Variants in CPVL observed in about 807,000 individuals in gnomAD.
CPVL encodes carboxypeptidase vitellogenic like, also known as probable serine carboxypeptidase CPVL.
A neutral mutation model predicts 63.7 loss-of-function variants in CPVL; 51 were observed. That is an observed-to-expected ratio of 0.80 (90% CI 0.64 to 1.01). The LOEUF (loss-of-function observed/expected upper bound fraction) is 1.01, where lower values mean the gene tolerates loss of function less well. Ranked by LOEUF, CPVL falls within the 50% of genes least tolerant of loss-of-function variation. The pLI is 0.00. For synonymous variants in CPVL, 195 were observed against 206.0 expected (o/e 0.95, Z 0.46); for missense variants, 530 against 573.1 (o/e 0.92, Z 0.77).
chr7:29,174,575 T>A (rs1381395168), intron 5 of CPVL, among the ~76,000 whole-genome samples: 1 of 152,088 alleles, frequency 6.6e-6, no homozygotes, highest in Non-Finnish European at 1.5e-5. Context: ...TAAACAATTT[T>A]GAGAGTCCAG....
At chr7:29,167,191 A>G (rs923079362) in intron 5 of CPVL, among the ~76,000 whole-genome samples, 15 of 152,164 alleles carry the variant, frequency 9.9e-5, no homozygotes, top group African/African-American at 3.6e-4. Flanking sequence ...CTAACTTTTA[A>G]TTATTTATTT....
chr7:29,114,908 A>G (rs1443894605), intron 2 of CPVL, among the ~76,000 whole-genome samples: 2 of 152,182 alleles, frequency 1.3e-5, no homozygotes, highest in Non-Finnish European at 2.9e-5. Flanking sequence ...GCTGACTAGG[A>G]ACAGGGAGCA....
At chr7:29,110,053 T>G (rs1453239447) in intron 3 of CPVL, among the ~76,000 whole-genome samples, 1 of 152,216 alleles carries the variant, frequency 6.6e-6, no homozygotes, top group Non-Finnish European at 1.5e-5. Flanking sequence ...GGTTTTTGCT[T>G]TGTTTCCATC....
At chr7:29,100,254 A>C (rs137867010) in intron 3 of CPVL, among the ~76,000 whole-genome samples, 1 of 152,320 alleles carries the variant, frequency 6.6e-6, no homozygotes, top group Non-Finnish European at 1.5e-5. Context: ...GTGAACTCCC[A>C]GAAGCTGCAA....
intron 12 of CPVL, 37 bp downstream of exon 12, chr7:29,030,540 A>G: frequency 6.3e-7 from 1 of 1,588,410 alleles, no homozygotes; most frequent in Non-Finnish European, 8.6e-7. Context: ...CCGCTCTCCC[A>G]TTCCCACAAC....
rs1484956032 is a variant in CPVL, at chr7:28,995,487, A to G, written c.*285T>C. ...TAGAAGAAATTAAAACTTCCTATTC[A>G]AGACCCTAAAATTTCATTTATACAT... On this transcript the variant is annotated 3_prime_UTR_variant, in exon 13 of 13. Coordinates refer to ENST00000265394, the MANE Select transcript of CPVL (RefSeq NM_031311.5). The G allele has an allele frequency of 1.7e-5, 5 of 293,730 alleles. No homozygotes were observed. Among genetic ancestry groups the G allele is most frequent in the Non-Finnish European group, 2.5e-5 (4 of 161,576 alleles). The allele number at this position is 293,730 out of a possible 1,614,324, so 18.2% of individuals were successfully genotyped here.
At chr7:29,085,440 T>C (rs1203021289) in intron 7 of CPVL, among the ~76,000 whole-genome samples, 3 of 152,178 alleles carry the variant, frequency 2.0e-5, no homozygotes, top group Admixed American at 6.5e-5. Context: ...TATTTTTAAA[T>C]GTAAGTAATA....
At chr7:29,096,049 G>C in intron 4 of CPVL, 54 bp downstream of exon 4, 4 of 1,359,108 alleles carry the variant, frequency 2.9e-6, no homozygotes, top group Non-Finnish European at 4.2e-6. Flanking sequence ...TTTGGAGCAG[G>C]TATGAGGCTC....
At chr7:29,029,665 G>A (rs1787832143) in intron 12 of CPVL, among the ~76,000 whole-genome samples, 1 of 152,132 alleles carries the variant, frequency 6.6e-6, no homozygotes, top group Non-Finnish European at 1.5e-5. Flanking sequence ...GGGATGGGTG[G>A]GAAGACGAAG....
At chr7:29,068,091 G>A (rs1166167696) in intron 9 of CPVL, among the ~76,000 whole-genome samples, 2 of 149,534 alleles carry the variant, frequency 1.3e-5, no homozygotes, top group Non-Finnish European at 3.0e-5. Context: ...TGCAACTTCT[G>A]CCTCCCGGAT....
At chr7:29,085,506 A>G (rs1785113957) in intron 7 of CPVL, among the ~76,000 whole-genome samples, 1 of 152,252 alleles carries the variant, frequency 6.6e-6, no homozygotes, top group Admixed American at 6.5e-5. Flanking sequence ...ATCCACAGAA[A>G]GATACATTAG....
chr7:29,063,186 TCCACTGGCAG>T (rs1173759627), intron 11 of CPVL, among the ~76,000 whole-genome samples: 1 of 152,128 alleles, frequency 6.6e-6, no homozygotes, highest in Non-Finnish European at 1.5e-5. Context: ...CACTGGCACC[TCCACTGGCAG>T]CAAAGGCAGA....
At chr7:29,096,457 C>T (rs1175009727) in intron 3 of CPVL, 1 of 538,728 alleles carries the variant, frequency 1.9e-6, no homozygotes, top group African/African-American at 1.9e-5. Context: ...AAGTCTTTTC[C>T]CAACAAGAGA....
At chr7:29,146,904 A>G, upstream of CPVL, 1 of 1,551,170 alleles carries the variant, frequency 6.4e-7, no homozygotes, top group Non-Finnish European at 8.7e-7. Flanking sequence ...TTTGATTCCC[A>G]CTGTTTAAAA....
At chr7:29,111,763 T>C (rs1318619099) in intron 3 of CPVL, among the ~76,000 whole-genome samples, 1 of 152,190 alleles carries the variant, frequency 6.6e-6, no homozygotes, top group South Asian at 2.1e-4. Context: ...ACAACGTAAC[T>C]TGAAAACCAC....
chr7:29,120,915 A>G lies in CPVL; in HGVS notation c.147T>C (p.Ile49=), dbSNP rs1345464522. ...SGQPLFLTPY[I]EAGKIQKGRE... is the part of the protein sequence containing the mutation. The stretch of plus-strand genomic sequence containing the variant: ...TACCTTTTTGGATCTTCCCAGCTTC[A>G]ATGTAAGGGGTGAGAAATAATGGCT... The change falls in exon 2 of 13, where the codon ATT becomes ATC. Residue 49 remains isoleucine, a synonymous_variant. Transcript: ENST00000265394. The G allele has an allele frequency of 6.2e-7, 1 of 1,613,514 alleles. No individual in the cohort carries two copies.
At chr7:29,154,698 G>A (rs1260008520) in intron 5 of CPVL, among the ~76,000 whole-genome samples, 1 of 152,068 alleles carries the variant, frequency 6.6e-6, no homozygotes, top group Non-Finnish European at 1.5e-5. Context: ...AGCCAGGTGT[G>A]GTGGCACGTA....
intron 7 of CPVL, among the ~76,000 whole-genome samples, chr7:29,081,797 C>A (rs1190174958): frequency 6.6e-6 from 1 of 152,168 alleles, no homozygotes; most frequent in Non-Finnish European, 1.5e-5. Context: ...GTACTCACCA[C>A]AGCCAGTCAC....
chr7:29,018,788 C>T (rs1786671391), intron 12 of CPVL, among the ~76,000 whole-genome samples: 1 of 152,096 alleles, frequency 6.6e-6, no homozygotes, highest in Non-Finnish European at 1.5e-5. Context: ...AGATAATGAA[C>T]AGCAACTTTG....
Sources: gnomAD v4.1 joint callset for allele counts (sites outside exome capture counted in the v4.1 genomes callset) on GRCh38, gnomAD v4.1.1 for gene constraint, MANE v1.5 for transcripts, NCBI Gene and HGNC (gene_info 2026-07-23, HGNC 2026-07-21) for gene names.